The following UBR4 variants were observed in gnomAD, a reference collection of about 807,000 sequenced individuals.
The protein encoded by UBR4 is ubiquitin protein ligase E3 component n-recognin 4.
UBR4 carries 124 observed loss-of-function variants against 575.6 expected under a neutral mutation model. The ratio of observed to expected loss-of-function variants is 0.22; its 90% CI spans 0.19 to 0.25. The LOEUF (loss-of-function observed/expected upper bound fraction) is 0.25. Ranked by LOEUF, UBR4 falls within the 10% of genes least tolerant of loss-of-function variation. UBR4 has a pLI of 1.00. For missense variants in UBR4, 4,818 were observed against 6,478.8 expected, an observed-to-expected ratio of 0.74 and a Z score of 8.80; for synonymous variants, 2,455 against 2,473.7, an observed-to-expected ratio of 0.99 and a Z score of 0.22.
At chr1:19,204,916 C>A (rs2092932367) in intron 1 of UBR4, among the ~76,000 whole-genome samples, 1 of 151,912 alleles carries the variant, frequency 6.6e-6, no homozygotes, top group Non-Finnish European at 1.5e-5. Flanking sequence ...AATGTTAAGA[C>A]ACCAAGACAC....
rs746819485 is a variant in UBR4, at chr1:19,087,799, A to C, written c.14544+17T>G. On this transcript the variant is annotated intron_variant, in intron 99 of 105. Transcript: ENST00000375254. ...AGGCTGGGCCCTCAGGACCGACCGT[A>C]GGCCCAGCAGCTGTACCTGGAACTT... 3.1e-6 allele frequency: 5 copies of C among 1,598,210 alleles called. No homozygotes were observed. Among genetic ancestry groups the C allele is most frequent in the Non-Finnish European group, 4.3e-6 (5 of 1,169,612 alleles).
intron 59 of UBR4, 139 bp from the exon 60 acceptor site, chr1:19,138,320 A>T: frequency 1.1e-6 from 1 of 899,174 alleles, no homozygotes; most frequent in Non-Finnish European, 1.5e-6. Context: ...TCTTATATGT[A>T]AAGCTAAGTA....
intron 104 of UBR4, among the ~76,000 whole-genome samples, chr1:19,077,625 T>C (rs1288842051): frequency 6.6e-6 from 1 of 152,032 alleles, no homozygotes; most frequent in Non-Finnish European, 1.5e-5. Context: ...CCCAGCTACT[T>C]GGGAGGCTGA....
At chr1:19,185,861 C>G (rs1040847499) in intron 14 of UBR4, among the ~76,000 whole-genome samples, 12 of 152,064 alleles carry the variant, frequency 7.9e-5, no homozygotes, top group African/African-American at 2.2e-4. Flanking sequence ...TGAGCCACCG[C>G]GCCCAGCCAA....
chr1:19,187,909 A>T (rs556068329), intron 11 of UBR4, among the ~76,000 whole-genome samples: 30 of 152,050 alleles, frequency 2.0e-4, no homozygotes, highest in Non-Finnish European at 4.1e-4. Flanking sequence ...TCTACAAAAA[A>T]ATTAAAAAGT....
chr1:19,126,870 A>G (rs763834107), intron 63 of UBR4, among the ~76,000 whole-genome samples: 1 of 152,180 alleles, frequency 6.6e-6, no homozygotes, highest in African/African-American at 2.4e-5. Context: ...ACAAAGAAAC[A>G]CATCTGTTCT....
intron 33 of UBR4, 109 bp from the exon 34 acceptor site, chr1:19,163,936 G>A: frequency 8.3e-7 from 1 of 1,210,752 alleles, no homozygotes; most frequent in Non-Finnish European, 1.2e-6. Flanking sequence ...ACACTGTGAA[G>A]CAGAAGCATT....
chr1:19,197,930 A>G lies in UBR4; in HGVS notation c.751+17T>C, dbSNP rs1459753998. The G allele has an allele frequency of 6.2e-7, 1 of 1,613,614 alleles. No individual in the cohort carries two copies. Among genetic ancestry groups the G allele is most frequent in the Non-Finnish European group, 8.5e-7 (1 of 1,179,812 alleles). The stretch of plus-strand genomic sequence containing the variant: ...CAGCCCAGAAATCAGCTTTCTGATA[A>G]CAGTTGGGAGTCTTACCAAGCTCTT... On this transcript the variant is annotated intron_variant, in intron 6 of 105. Coordinates refer to ENST00000375254, the MANE Select transcript of UBR4 (RefSeq NM_020765.3).
At chr1:19,203,639 C>T (rs2092860757) in intron 1 of UBR4, among the ~76,000 whole-genome samples, 1 of 152,168 alleles carries the variant, frequency 6.6e-6, no homozygotes, top group South Asian at 2.1e-4. Context: ...GTGCCAATGT[C>T]GGTGATGAAT....
In UBR4 at chr1:19,087,890, G is replaced by A. The variant is rs759819415; in HGVS notation, c.14470C>T (p.Leu4824=). 18 of 1,610,332 alleles carry A rather than the reference G, an allele frequency of 1.1e-5. No homozygotes were observed. Among genetic ancestry groups the A allele is most frequent in the Middle Eastern group, 1.7e-4 (1 of 6,052 alleles). ...TCGATCAGCTCTTCCATCTGCTTCA[G>A]GAGTGCTGTCTTGGTCACGACCTGG... ...KGQVVTKTAL[L]KQMEELIEEP... is the part of the protein sequence containing the mutation. Residue 4824 remains leucine, a synonymous_variant, in exon 99 of 106, where the codon CTG becomes TTG. Coordinates refer to ENST00000375254, the MANE Select transcript of UBR4 (RefSeq NM_020765.3).
At position 19,110,144 on chromosome 1, in the gene UBR4, G is replaced by A; in HGVS notation, c.12057C>T (p.Ile4019=). Residue 4019 remains isoleucine, a synonymous_variant, in exon 81 of 106, where the codon ATC becomes ATT. Transcript: ENST00000375254. The surrounding 1 kb of genome is among the most constrained non-coding windows in gnomAD (Gnocchi z 4.5). ...VENITLMCLR[I]LQKLIKPPAP... is the part of the protein sequence containing the mutation. ...CAGGTGGTTTTATCAGCTTCTGCAA[G>A]ATCCTCAGGCACATGAGGGTAATGT... is the stretch of plus-strand genomic sequence containing the variant. 8 of 1,614,188 alleles carry A rather than the reference G, an allele frequency of 5.0e-6. No individual in the cohort carries two copies. The highest frequency in any genetic ancestry group is 6.8e-6 in the Non-Finnish European group (8 of 1,180,022).
Position 19,161,046 on chromosome 1 carries a change from G to A in UBR4, c.5277C>T (p.Ala1759=), listed in dbSNP as rs779505576. The change falls in exon 38 of 106, where the codon GCC becomes GCT. Residue 1759 remains alanine, a synonymous_variant. Coordinates refer to ENST00000375254, the MANE Select transcript of UBR4 (RefSeq NM_020765.3). ...CTTTGTCAGCTGGCGAGGAGGTGCT[G>A]GCATGACGCACTAGACTCTCTGAAA... ...PRISESLVRH[A]STSSPADKAK... is the part of the protein sequence containing the mutation. The A allele has an allele frequency of 5.6e-6, 9 of 1,614,120 alleles. No individual in the cohort carries two copies. The highest frequency in any genetic ancestry group is 6.8e-6 in the Non-Finnish European group (8 of 1,180,018).
rs750123448 is a variant in UBR4 at position 19,148,047 on chromosome 1, G to T, written c.7575C>A (p.Ser2525=). ...TGTGCAGGCTGGCCAGAAGGCTCTTGGACTGCTGCTGGACACTGGCAGGTG... is the reference window on the plus strand; with the variant it reads ...TGTGCAGGCTGGCCAGAAGGCTCTTTGACTGCTGCTGGACACTGGCAGGTG... ...LPAPASVQQQ[S]KSLLASLHTS... Residue 2525 remains serine (S), a synonymous_variant, in exon 51 of 106, where the codon TCC becomes TCA. Coordinates refer to ENST00000375254, the MANE Select transcript of UBR4 (RefSeq NM_020765.3). The T allele has an allele frequency of 6.2e-6, 10 of 1,612,568 alleles. No individual in the cohort carries two copies. The highest frequency in any genetic ancestry group is 1.3e-5 in the African/African-American group (1 of 75,020).
chr1:19,161,228 T>C (rs748510213), intron 37 of UBR4, 81 bp from the exon 38 acceptor site: 6 of 1,377,048 alleles, frequency 4.4e-6, no homozygotes, highest in East Asian at 2.4e-5. Flanking sequence ...CGAGGAAAAT[T>C]TGACCCAAAG....
chr1:19,164,862 T>C lies in UBR4; in HGVS notation c.4448A>G (p.Asp1483Gly). ...TSPPKDSDQLDVIQENRQLLQ... is the reference protein window; with the variant it reads ...TSPPKDSDQLGVIQENRQLLQ... ...CAGCTGCCGGTTCTCCTGAATTACATCCAGCTGATCAGAATCTTTTGGGGG... is the reference window on the plus strand; with the variant it reads ...CAGCTGCCGGTTCTCCTGAATTACACCCAGCTGATCAGAATCTTTTGGGGG... The change falls in exon 32 of 106, where the codon GAT (aspartate) becomes GGT (glycine). Residue 1483 changes from aspartate (D) to glycine (G), a missense_variant. By Grantham distance (94) the Asp-to-Gly change is moderately conservative. Transcript: ENST00000375254. The C allele has an allele frequency of 6.2e-7, 1 of 1,614,198 alleles. No homozygotes were observed. The highest frequency in any genetic ancestry group is 2.2e-5 in the East Asian group (1 of 44,886).
At chr1:19,078,190 C>T in intron 103 of UBR4, 124 bp from the exon 104 acceptor site, 1 of 966,026 alleles carries the variant, frequency 1.0e-6, no homozygotes, top group Non-Finnish European at 1.5e-6. Flanking sequence ...GTTCCAGCGA[C>T]TAGCCTTCTG....
chr1:19,188,784 A>AC (rs2091798548), intron 11 of UBR4, among the ~76,000 whole-genome samples: 2 of 152,158 alleles, frequency 1.3e-5, no homozygotes, highest in South Asian at 4.1e-4. Context: ...CCTGGTCAAC[A>AC]CAGCAAGATC....
chr1:19,201,609 G>T, intron 2 of UBR4, 109 bp downstream of exon 2: 1 of 914,564 alleles, frequency 1.1e-6, no homozygotes, highest in Non-Finnish European at 1.7e-6. Flanking sequence ...GCTTAGGAGT[G>T]CTAAAACCTA....
In UBR4 at chr1:19,093,996, T is replaced by C; in HGVS notation, c.13890A>G (p.Lys4630=). Residue 4630 remains lysine, a synonymous_variant, in exon 95 of 106, where the codon AAA becomes AAG. Transcript: ENST00000375254. This position sits in a 1 kb window ranked among gnomAD's most constrained non-coding sequence, Gnocchi z 4.8. ...IPYLSFGEVE[K]MQILVERFKP... Reference sequence around the variant, plus strand: ...TGAATCGCTCCACCAAGATCTGCATTTTCTCCACCTCTCCAAAGGAAAGGT... The same window carrying C: ...TGAATCGCTCCACCAAGATCTGCATCTTCTCCACCTCTCCAAAGGAAAGGT... 6.2e-7 allele frequency: 1 copy of C among 1,614,062 alleles called. No homozygotes were observed. Among genetic ancestry groups the C allele is most frequent in the Non-Finnish European group, 8.5e-7 (1 of 1,179,992 alleles).
Sources: gnomAD v4.1 joint callset for allele counts (sites outside exome capture counted in the v4.1 genomes callset) on GRCh38, gnomAD v4.1.1 for gene constraint, Gnocchi (gnomAD v3.1) non-coding constraint, MANE v1.5 for transcripts, NCBI Gene and HGNC (gene_info 2026-07-23, HGNC 2026-07-21) for gene names.